Variants in CRMP1 observed in about 807,000 individuals in gnomAD.
CRMP1 encodes the protein collapsin response mediator protein 1.
CRMP1 carries 19 observed loss-of-function variants against 68.3 expected under a neutral mutation model. That is an observed-to-expected ratio of 0.28 (90% confidence interval 0.19 to 0.41). The LOEUF (loss-of-function observed/expected upper bound fraction) is 0.41. Ranked by LOEUF, CRMP1 falls within the 10% of genes least tolerant of loss-of-function variation. The pLI is 1.00. For synonymous variants in CRMP1, 439 were observed against 399.6 expected (o/e 1.10, Z -1.18); for missense variants, 791 against 967.4 (o/e 0.82, Z 2.42).
In CRMP1 at chr4:5,825,722, TAAAGC is replaced by T; in HGVS notation, c.1804-68_1804-64del. The T allele has an allele frequency of 1.3e-6, 2 of 1,551,456 alleles. No homozygotes were observed. The highest frequency in any genetic ancestry group is 1.8e-6 in the Non-Finnish European group (2 of 1,140,908). ...GTGCATGTGTGCCCTTCTGGGCAGA[TAAAGC>T]AGAGCCCTGCGGGCGAGAGAGAAAC... On this transcript the variant is annotated intron_variant, in intron 12 of 13. Coordinates refer to ENST00000324989, the MANE Select transcript of CRMP1 (RefSeq NM_001014809.3). The surrounding 1 kb of genome is among the most constrained non-coding windows in gnomAD (Gnocchi z 4.4).
At chr4:5,839,718 C>A in intron 8 of CRMP1, 40 bp from the exon 9 acceptor site, 1 of 1,579,122 alleles carries the variant, frequency 6.3e-7, no homozygotes, top group South Asian at 1.2e-5. Context: ...AAAGCAAATA[C>A]TCTCTTGAGG....
chr4:5,845,094 A>G (rs1385434166), intron 6 of CRMP1, among the ~76,000 whole-genome samples: 7 of 152,346 alleles, frequency 4.6e-5, no homozygotes, highest in Admixed American at 3.9e-4. Flanking sequence ...ATGGAGCCGG[A>G]CATAAGACAG....
rs1414230678 is a variant in CRMP1 at position 5,860,157 on chromosome 4, T to C, written c.655+869A>G. 1.3e-5 allele frequency among the ~76,000 whole-genome samples: 2 copies of C among 152,100 alleles called. No individual in the cohort carries two copies. Among genetic ancestry groups the C allele is most frequent in the African/African-American group, 4.8e-5 (2 of 41,430 alleles). On this transcript the variant is annotated intron_variant, in intron 3 of 13. Coordinates refer to ENST00000324989, the MANE Select transcript of CRMP1 (RefSeq NM_001014809.3). This position sits in a 1 kb window ranked among gnomAD's most constrained non-coding sequence, Gnocchi z 4.2. Reference sequence around the variant, plus strand: ...CAGGGCTCTCTGTGGCACAGTGTGCTCCTGTCAACTTTGGGCTCGGCCACA... The same window carrying C: ...CAGGGCTCTCTGTGGCACAGTGTGCCCCTGTCAACTTTGGGCTCGGCCACA...
chr4:5,844,368 G>A (rs1257340457), intron 6 of CRMP1, among the ~76,000 whole-genome samples: 1 of 148,426 alleles, frequency 6.7e-6, no homozygotes, highest in Non-Finnish European at 1.5e-5. Context: ...GGCAGGGGAG[G>A]GAAGGGGAAT....
At position 5,859,945 on chromosome 4, in the gene CRMP1, A is replaced by G. The variant is rs1713412149; in HGVS notation, c.655+1081T>C. Among the ~76,000 whole-genome samples, 1 of 152,028 alleles carries G rather than the reference A, an allele frequency of 6.6e-6. No homozygotes were observed. Among genetic ancestry groups the G allele is most frequent in the South Asian group, 2.1e-4 (1 of 4,820 alleles). On this transcript the variant is annotated intron_variant, in intron 3 of 13. Transcript: ENST00000324989. The surrounding 1 kb of genome is among the most constrained non-coding windows in gnomAD (Gnocchi z 5.2). ...ACAGTTGAAAGAACATTTACAATAA[A>G]CTGTGGCCTATTTAATTAAAATTGC...
At chr4:5,856,406 A>G in intron 3 of CRMP1, 99 bp from the exon 4 acceptor site, 2 of 1,106,380 alleles carry the variant, frequency 1.8e-6, no homozygotes, top group Non-Finnish European at 2.6e-6. Context: ...CATTACCATC[A>G]CCACCATCAT....
chr4:5,824,545 T>C (rs1223966174), intron 13 of CRMP1: 1 of 983,932 alleles, frequency 1.0e-6, no homozygotes, highest in Admixed American at 6.1e-5. Flanking sequence ...TCGCCTTTCC[T>C]GACCAGGAAT....
At position 5,838,332 on chromosome 4, in the gene CRMP1, G is replaced by C. The variant is rs1720865504; in HGVS notation, c.1310+1190C>G. On this transcript the variant is annotated intron_variant, in intron 9 of 13. Coordinates refer to ENST00000324989, the MANE Select transcript of CRMP1 (RefSeq NM_001014809.3). The surrounding 1 kb of genome is among the most constrained non-coding windows in gnomAD (Gnocchi z 4.9). ...TGTGCACCGGATTGAGTTCTGCCTT[G>C]TTGGATGTTGCAGGGACTTGGGTTT... Among the ~76,000 whole-genome samples, 1 of 152,118 alleles carries C rather than the reference G, an allele frequency of 6.6e-6. No homozygotes were observed. Among genetic ancestry groups the C allele is most frequent in the Non-Finnish European group, 1.5e-5 (1 of 68,016 alleles).
chr4:5,839,701 C>A (rs757023839), intron 8 of CRMP1, 23 bp from the exon 9 acceptor site: 1 of 1,186,080 alleles, frequency 8.4e-7, no homozygotes, highest in South Asian at 1.4e-5. Context: ...AAACATAAGC[C>A]TGGTTAAAAG....
intron 13 of CRMP1, chr4:5,824,335 C>T (rs1719183671): frequency 3.0e-6 from 3 of 985,294 alleles, no homozygotes; most frequent in East Asian, 1.1e-4. Flanking sequence ...ATATGAAACA[C>T]TGGAAGCTCT....
In CRMP1 at chr4:5,849,958, T is replaced by C. The variant is rs111999892; in HGVS notation, c.883-486A>G. ...TGAACCCATGCCATTTTATGGACAA[T>C]GGTGGGGTGGGGGAAACCAGCTCTC... is the stretch of plus-strand genomic sequence containing the variant. On this transcript the variant is annotated intron_variant, in intron 5 of 13. Transcript: ENST00000324989. Among the ~76,000 whole-genome samples, 1,079 of 152,272 alleles carry C rather than the reference T, an allele frequency of 7.1e-3. 16 individuals are homozygous for C. Among genetic ancestry groups the C allele is most frequent in the African/African-American group, 0.024 (1,004 of 41,552 alleles).
intron 13 of CRMP1, among the ~76,000 whole-genome samples, chr4:5,823,545 C>G (rs991773342): frequency 4.6e-5 from 7 of 152,204 alleles, no homozygotes; most frequent in African/African-American, 1.7e-4. Flanking sequence ...GGGTTTGGGT[C>G]ATGAAGGACA....
intron 1 of CRMP1, among the ~76,000 whole-genome samples, chr4:5,874,992 C>T (rs376962597): frequency 2.6e-5 from 4 of 152,224 alleles, no homozygotes; most frequent in African/African-American, 9.6e-5. Context: ...TCTCATGAGT[C>T]AGAGGAGCAG....
Position 5,828,508 on chromosome 4 carries a change from C to T in CRMP1, c.1784G>A (p.Arg595His), listed in dbSNP as rs1577739143. The T allele has an allele frequency of 4.3e-6, 7 of 1,614,178 alleles. No homozygotes were observed. Among genetic ancestry groups the T allele is most frequent in the Non-Finnish European group, 3.4e-6 (4 of 1,180,008 alleles). Residue 595 changes from arginine (R) to histidine (H), a missense_variant, in exon 12 of 14, where the codon CGC (arginine) becomes CAC (histidine). By Grantham distance (29) the Arg-to-His change is conservative (BLOSUM62 0). Around this residue, in one of 3 missense-constraint regions of CRMP1, gnomAD observed 594 missense variants for 763.6 expected, o/e 0.78. Transcript: ENST00000324989. Reference protein sequence around the residue: ...RKAFPEHLYQRVKIRNKVFGL... With the variant: ...RKAFPEHLYQHVKIRNKVFGL... ...ACTCACCTTATTCCTGATTTTGACG[C>T]GCTGGTACAGGTGCTCCGGGAACGC...
rs73206230 is a variant in CRMP1, at chr4:5,825,914, G to A, written c.1804-255C>T. The A allele has an allele frequency of 4.9e-3, 2,465 of 506,172 alleles. 19 individuals carry two copies. The highest frequency in any genetic ancestry group is 6.8e-3 in the Non-Finnish European group (1,967 of 288,818). 31.4% of individuals were successfully genotyped at this position (506,172 alleles called of 1,614,324 possible). ...ATACACATACAGACGCACACACCAC[G>A]CACACGCACTCACATACATGCAGTC... On this transcript the variant is annotated intron_variant, in intron 12 of 13. Transcript: ENST00000324989. The surrounding 1 kb of genome is among the most constrained non-coding windows in gnomAD (Gnocchi z 4.4).
Position 5,860,724 on chromosome 4 carries a change from A to C in CRMP1, c.655+302T>G, listed in dbSNP as rs1272017652. Among the ~76,000 whole-genome samples the C allele has an allele frequency of 1.3e-5, 2 of 152,090 alleles. No individual in the cohort carries two copies. Among genetic ancestry groups the C allele is most frequent in the Middle Eastern group, 3.4e-3 (1 of 294 alleles). ...TTTTGTTTCTAAAAATCTAAATGTG[A>C]CTTCAGTCTCATGCTAAGCGATTAT... On this transcript the variant is annotated intron_variant, in intron 3 of 13. Transcript: ENST00000324989. The surrounding 1 kb of genome is among the most constrained non-coding windows in gnomAD (Gnocchi z 4.2).
At chr4:5,845,704 T>C (rs916547992) in intron 6 of CRMP1, among the ~76,000 whole-genome samples, 10 of 152,220 alleles carry the variant, frequency 6.6e-5, no homozygotes, top group African/African-American at 2.4e-4. Flanking sequence ...GGATGACTAG[T>C]ACAGGTTTTG....
rs1016258590 is a variant in CRMP1, at chr4:5,892,013, C to A, written c.381+576G>T. 1.3e-5 allele frequency among the ~76,000 whole-genome samples: 2 copies of A among 152,172 alleles called. No individual in the cohort carries two copies. Among genetic ancestry groups the A allele is most frequent in the African/African-American group, 4.8e-5 (2 of 41,442 alleles). On this transcript the variant is annotated intron_variant, in intron 1 of 13. Coordinates refer to ENST00000324989, the MANE Select transcript of CRMP1 (RefSeq NM_001014809.3). This position sits in a 1 kb window ranked among gnomAD's most constrained non-coding sequence, Gnocchi z 8.6. Reference sequence around the variant, plus strand: ...GGGGTTTACGGCTCCAACTGCCCGACGAACTAAATCCTTAACCAAATCCTT... The same window carrying A: ...GGGGTTTACGGCTCCAACTGCCCGAAGAACTAAATCCTTAACCAAATCCTT...
rs1011359387 is a variant in CRMP1, at chr4:5,853,150, C to A, written c.821-1681G>T. 2.0e-5 allele frequency among the ~76,000 whole-genome samples: 3 copies of A among 152,200 alleles called. No individual in the cohort carries two copies. Among genetic ancestry groups the A allele is most frequent in the Admixed American group, 6.5e-5 (1 of 15,278 alleles). On this transcript the variant is annotated intron_variant, in intron 4 of 13. Coordinates refer to ENST00000324989, the MANE Select transcript of CRMP1 (RefSeq NM_001014809.3). The surrounding 1 kb of genome is among the most constrained non-coding windows in gnomAD (Gnocchi z 4.7). ...AAACACAGGTGGGAGCAGTGGCTCACGCCTGTAATCCCAGCAATTTGGGAG... is the reference window on the plus strand; with the variant it reads ...AAACACAGGTGGGAGCAGTGGCTCAAGCCTGTAATCCCAGCAATTTGGGAG...
Sources: gnomAD v4.1 joint callset for allele counts (sites outside exome capture counted in the v4.1 genomes callset) on GRCh38, gnomAD v4.1.1 for gene constraint, gnomAD v4.1.1 regional missense constraint, Gnocchi (gnomAD v3.1) non-coding constraint, MANE v1.5 for transcripts, NCBI Gene and HGNC (gene_info 2026-07-23, HGNC 2026-07-21) for gene names.